Variants in SPRED2 observed in about 807,000 individuals in gnomAD.
SPRED2 encodes sprouty related EVH1 domain containing 2, also known as sprouty-related, EVH1 domain-containing protein 2.
A neutral mutation model predicts 43.0 loss-of-function variants in SPRED2; 47 were observed. The observed-to-expected ratio is 1.09, with a 90% CI of 0.87 to 1.40. The LOEUF (loss-of-function observed/expected upper bound fraction) is 1.40, where lower values mean the gene tolerates loss of function less well. SPRED2 is among the 40% of genes most tolerant of loss of function. SPRED2 has a pLI of 0.00. For synonymous variants in SPRED2, 225 were observed against 225.7 expected (o/e 1.00, Z 0.03); for missense variants, 561 against 586.4 (o/e 0.96, Z 0.45).
chr2:65,401,083 T>C (rs1175908923), intron 1 of SPRED2, among the ~76,000 whole-genome samples: 3 of 152,060 alleles, frequency 2.0e-5, no homozygotes, highest in African/African-American at 7.2e-5. Context: ...TTCTTCTGCC[T>C]CTACCTCCTG....
rs8827 is a variant in SPRED2 at position 65,313,771 on chromosome 2, C to T, written c.987G>A (p.Ala329=). The change falls in exon 6 of 6, where the codon GCG becomes GCA. Residue 329 remains alanine, a synonymous_variant. Coordinates refer to ENST00000356388, the MANE Select transcript of SPRED2 (RefSeq NM_181784.3). The stretch of plus-strand genomic sequence containing the variant: ...GGATGCAAGTTCTCACGGAGTCGGG[C>T]GCGTCCTGGCAGTGGCCCCGGCGGT... ...EENRRGHCQD[A]PDSVRTCIRR... 2 of 1,614,010 alleles carry T rather than the reference C, an allele frequency of 1.2e-6. No homozygotes were observed. The highest frequency in any genetic ancestry group is 1.3e-5 in the African/African-American group (1 of 75,026).
chr2:65,366,542 TAAGAGAAC>T, intron 1 of SPRED2: 1 of 1,535,636 alleles, frequency 6.5e-7, no homozygotes, highest in South Asian at 1.2e-5. Context: ...AGGTTAAGAA[TAAGAGAAC>T]AATGAAAAAA....
chr2:65,413,197 G>C (rs1676200636), intron 1 of SPRED2, among the ~76,000 whole-genome samples: 1 of 152,182 alleles, frequency 6.6e-6, no homozygotes, highest in Non-Finnish European at 1.5e-5. Context: ...CTAAGGCCCA[G>C]GTGCTGATGG....
intron 1 of SPRED2, among the ~76,000 whole-genome samples, chr2:65,409,542 C>T (rs1676102172): frequency 1.3e-5 from 2 of 151,988 alleles, no homozygotes; most frequent in South Asian, 4.1e-4. Flanking sequence ...AGTTCTACTG[C>T]CTCCCTATAA....
rs1284151664 is a variant in SPRED2, at chr2:65,311,425, GACAA to G, written c.*2072_*2075del. 9.1e-6 allele frequency: 9 copies of G among 985,818 alleles called. No homozygotes were observed. In the East Asian group the frequency reaches 9.1e-4, roughly 99 times the overall value. The allele number at this position is 985,818 out of a possible 1,614,324, so 61.1% of individuals were successfully genotyped here. A position where few individuals can be genotyped will look rare whatever the true frequency, so the allele number is the denominator to read the frequency against. ...AAACAGGTAACAACTAAATAGAGGT[GACAA>G]ACAAAAAACAGCTGGGATATGTGCG... On this transcript the variant is annotated 3_prime_UTR_variant, in exon 6 of 6. Coordinates refer to ENST00000356388, the MANE Select transcript of SPRED2 (RefSeq NM_181784.3).
chr2:65,320,034 C>T (rs983536811), intron 4 of SPRED2, among the ~76,000 whole-genome samples: 3 of 152,126 alleles, frequency 2.0e-5, no homozygotes, highest in African/African-American at 7.2e-5. Context: ...CAAGGTACAC[C>T]CTGCTGTATA....
At chr2:65,345,897 G>A (rs1674337449) in intron 1 of SPRED2, among the ~76,000 whole-genome samples, 1 of 152,012 alleles carries the variant, frequency 6.6e-6, no homozygotes, top group Non-Finnish European at 1.5e-5. Context: ...ATCACTTTTG[G>A]GGGAAATTTA....
chr2:65,315,807 C>T (rs981687168), intron 5 of SPRED2, among the ~76,000 whole-genome samples: 9 of 152,266 alleles, frequency 5.9e-5, no homozygotes, highest in South Asian at 2.1e-4. Context: ...TACAGGCGCC[C>T]GCCACCACAC....
chr2:65,326,901 T>C (rs1342307301), intron 4 of SPRED2, among the ~76,000 whole-genome samples: 1 of 152,108 alleles, frequency 6.6e-6, no homozygotes, highest in East Asian at 1.9e-4. Context: ...AGTACAGTGG[T>C]ACAATCACAG....
chr2:65,345,046 T>A (rs1674309677), intron 1 of SPRED2, 150 bp from the exon 2 acceptor site: 1 of 665,156 alleles, frequency 1.5e-6, no homozygotes, highest in Non-Finnish European at 2.4e-6. Context: ...AAGTGGTCCA[T>A]CTCAACTTTT....
rs144893418 is a variant in SPRED2, at chr2:65,312,677, C to T, written c.*824G>A. 458 of 985,802 alleles carry T rather than the reference C, an allele frequency of 4.6e-4. 1 individual carries two copies. In the African/African-American group the frequency reaches 7.5e-3, roughly 16 times the overall value. 61.1% of individuals were successfully genotyped at this position (985,802 alleles called of 1,614,324 possible). A position where few individuals can be genotyped will look rare whatever the true frequency, so the allele number is the denominator to read the frequency against. On this transcript the variant is annotated 3_prime_UTR_variant, in exon 6 of 6. Coordinates refer to ENST00000356388, the MANE Select transcript of SPRED2 (RefSeq NM_181784.3). ...TTCTACTTTAGGGGTAATGGGGAGG[C>T]TCATAGAAACCTGAAATCCCCATTC...
chr2:65,376,687 A>C (rs1675246056), intron 1 of SPRED2, among the ~76,000 whole-genome samples: 1 of 152,104 alleles, frequency 6.6e-6, no homozygotes, highest in South Asian at 2.1e-4. Flanking sequence ...CACATGTTCT[A>C]GACCTTGCTG....
rs552877864 is a variant in SPRED2, at chr2:65,343,480, A to G, written c.204+1239T>C. Among the ~76,000 whole-genome samples, 16 of 152,320 alleles carry G rather than the reference A, an allele frequency of 1.1e-4. 1 individual carries two copies. The South Asian group carries it at 3.1e-3, about 30-fold the overall frequency. On this transcript the variant is annotated intron_variant, in intron 2 of 5. Coordinates refer to ENST00000356388, the MANE Select transcript of SPRED2 (RefSeq NM_181784.3). Reference sequence around the variant, plus strand: ...TTGCAAAAGAAGGTTAAATTTGTACACTTAACACATAAAACCCAACAGATG... The same window carrying G: ...TTGCAAAAGAAGGTTAAATTTGTACGCTTAACACATAAAACCCAACAGATG...
At chr2:65,394,598 C>G (rs575259643) in intron 1 of SPRED2, among the ~76,000 whole-genome samples, 4 of 152,304 alleles carry the variant, frequency 2.6e-5, no homozygotes, top group African/African-American at 9.6e-5. Flanking sequence ...GCCCTGCCCC[C>G]TCCCTGGTGC....
rs1254173209 is a variant in SPRED2, at chr2:65,338,767, G to A, written c.205-3994C>T. The stretch of plus-strand genomic sequence containing the variant: ...TCTCTGCCTGGCTGCCCATCGTCTG[G>A]GATGTGAGGAGCCCCTCTGCCTGGC... On this transcript the variant is annotated intron_variant, in intron 2 of 5. Coordinates refer to ENST00000356388, the MANE Select transcript of SPRED2 (RefSeq NM_181784.3). Among the ~76,000 whole-genome samples the A allele has an allele frequency of 5.3e-5, 8 of 151,088 alleles. No individual in the cohort carries two copies. In the East Asian group the frequency reaches 1.6e-3, roughly 30 times the overall value.
intron 1 of SPRED2, among the ~76,000 whole-genome samples, chr2:65,402,917 G>C (rs1222718891): frequency 6.6e-6 from 1 of 152,214 alleles, no homozygotes; most frequent in Non-Finnish European, 1.5e-5. Context: ...GTTACACAAT[G>C]ATGAGCACAT....
chr2:65,348,675 G>A (rs1047655703), intron 1 of SPRED2, among the ~76,000 whole-genome samples: 1 of 151,360 alleles, frequency 6.6e-6, no homozygotes, highest in Non-Finnish European at 1.5e-5. Flanking sequence ...TTGATGGTGG[G>A]CGCCTGTAAT....
At chr2:65,333,851 T>G (rs542891336) in intron 3 of SPRED2, among the ~76,000 whole-genome samples, 1 of 152,274 alleles carries the variant, frequency 6.6e-6, no homozygotes, top group Non-Finnish European at 1.5e-5. Context: ...CTTTTATTTC[T>G]TAAGCAAATG....
Position 65,344,813 on chromosome 2 carries a change from C to G in SPRED2, c.110G>C (p.Gly37Ala). The change falls in exon 2 of 6, where the codon GGG becomes GCG. Residue 37 changes from glycine to alanine, a missense_variant. Around this residue, in one of 6 missense-constraint regions of SPRED2, gnomAD observed 305 missense variants for 282.4 expected, o/e 1.08. Coordinates refer to ENST00000356388, the MANE Select transcript of SPRED2 (RefSeq NM_181784.3). ...SGGWFPQEGG[G>A]ISRVGVCKVM... Reference sequence around the variant, plus strand: ...CTTACAGACCCCGACGCGACTGATCCCGCCTCCTTCCTGTGGGAACCATCC... The same window carrying G: ...CTTACAGACCCCGACGCGACTGATCGCGCCTCCTTCCTGTGGGAACCATCC... The G allele has an allele frequency of 6.2e-7, 1 of 1,614,152 alleles. No individual in the cohort carries two copies. Among genetic ancestry groups the G allele is most frequent in the South Asian group, 1.1e-5 (1 of 91,070 alleles).
Sources: gnomAD v4.1 joint callset for allele counts (sites outside exome capture counted in the v4.1 genomes callset) on GRCh38, gnomAD v4.1.1 for gene constraint, gnomAD v4.1.1 regional missense constraint, MANE v1.5 for transcripts, NCBI Gene and HGNC (gene_info 2026-07-23, HGNC 2026-07-21) for gene names.